Variants in FBF1 observed in about 807,000 individuals in gnomAD.
FBF1 encodes the protein Fas binding factor 1.
Under a neutral mutation model 147.2 loss-of-function variants are expected in FBF1, and 119 were observed. The observed-to-expected ratio is 0.81, with a 90% CI of 0.70 to 0.94. The LOEUF (loss-of-function observed/expected upper bound fraction) is 0.94, where lower values mean the gene tolerates loss of function less well. FBF1 is among the 40% of genes least tolerant of loss of function. The pLI, the probability that FBF1 is intolerant of heterozygous loss-of-function variation, is 0.00. For synonymous variants in FBF1, 601 were observed against 609.0 expected (o/e 0.99, Z 0.19); for missense variants, 1,449 against 1,500.8 (o/e 0.97, Z 0.57).
intron 7 of FBF1, 52 bp downstream of exon 7, chr17:75,929,945 A>AGGGGGGGCCCCCCCCCCCCCCCCC: frequency 1.5e-6 from 1 of 650,910 alleles, no homozygotes. Context: ...AAATATCATG[A>AGGGGGGGCCCCCCCCCCCCCCCCC]CCCCACCCCA....
chr17:75,920,131 C>A (rs1217414585), intron 18 of FBF1, 24 bp from the exon 19 acceptor site: 1 of 1,580,726 alleles, frequency 6.3e-7, no homozygotes, highest in Non-Finnish European at 8.6e-7. Context: ...GGAGGGCCAG[C>A]AACCAGGGAG....
intron 5 of FBF1, among the ~76,000 whole-genome samples, chr17:75,932,655 G>A (rs959569309): frequency 5.9e-5 from 9 of 152,120 alleles, no homozygotes; most frequent in Admixed American, 2.6e-4. Flanking sequence ...TTGGGAGGCC[G>A]AGGTGGGCGG....
intron 13 of FBF1, among the ~76,000 whole-genome samples, chr17:75,924,209 G>C (rs529907117): frequency 6.6e-6 from 1 of 151,808 alleles, no homozygotes; most frequent in South Asian, 2.1e-4. Context: ...GTGAGACTCT[G>C]TCTAAAAAAA....
intron 23 of FBF1, among the ~76,000 whole-genome samples, chr17:75,916,297 G>A (rs547994919): frequency 3.3e-5 from 5 of 151,178 alleles, no homozygotes; most frequent in African/African-American, 1.2e-4. Flanking sequence ...TCCAGCCTGA[G>A]TGACAGTGAG....
chr17:75,927,008 G>T, intron 9 of FBF1, 131 bp from the exon 10 acceptor site: 1 of 1,297,036 alleles, frequency 7.7e-7, no homozygotes, highest in Non-Finnish European at 1.0e-6. Context: ...CCTGGCATCT[G>T]GAGGGTGGGG....
chr17:75,938,897 G>A (rs183759985), intron 1 of FBF1, among the ~76,000 whole-genome samples: 4 of 151,642 alleles, frequency 2.6e-5, no homozygotes, highest in African/African-American at 9.7e-5. Context: ...TTAACAGCAT[G>A]AATCCAAGGG....
Position 75,925,881 on chromosome 17 carries a change from C to T in FBF1, c.868+149G>A, listed in dbSNP as rs1327058125. On this transcript the variant is annotated intron_variant, in intron 12 of 29. Transcript: ENST00000636174. This position sits in a 1 kb window ranked among gnomAD's most constrained non-coding sequence, Gnocchi z 5.0. ...AGTGGTCACGGTAAGTATTATTTCA[C>T]GGTAAGTATTATTTTGTCTCAGCTA... The T allele has an allele frequency of 2.0e-5, 23 of 1,170,874 alleles. No homozygotes were observed. In the African/African-American group the frequency reaches 2.0e-4, roughly 10 times the overall value. 72.5% of individuals were successfully genotyped at this position (1,170,874 alleles called of 1,614,324 possible).
Position 75,920,463 on chromosome 17 carries a change from G to A in FBF1, c.1675-34C>T, listed in dbSNP as rs185489471. ...GAGGAAGAGAGGTGTTTCTAGTTAG[G>A]GAGGGGACAGGGGCCCAGCTGAGAT... On this transcript the variant is annotated intron_variant, in intron 17 of 29. Transcript: ENST00000636174. 3.5e-3 allele frequency: 5,560 copies of A among 1,570,284 alleles called. 10 individuals carry two copies. The highest frequency in any genetic ancestry group is 4.0e-3 in the Non-Finnish European group (4,664 of 1,157,282).
intron 6 of FBF1, among the ~76,000 whole-genome samples, chr17:75,930,512 C>T (rs1464796755): frequency 6.6e-6 from 1 of 152,246 alleles, no homozygotes; most frequent in African/African-American, 2.4e-5. Context: ...GTAATCCCAG[C>T]ACTTTGGGAG....
At chr17:75,912,674 T>A (rs189786319) in intron 28 of FBF1, among the ~76,000 whole-genome samples, 28 of 152,362 alleles carry the variant, frequency 1.8e-4, no homozygotes, top group Non-Finnish European at 3.7e-4. Context: ...TGAAAACCTG[T>A]TCCACGTGTA....
intron 3 of FBF1, among the ~76,000 whole-genome samples, chr17:75,935,946 C>A (rs1318385445): frequency 6.6e-6 from 1 of 152,052 alleles, no homozygotes; most frequent in Non-Finnish European, 1.5e-5. Flanking sequence ...GAGGCCGAGG[C>A]GGGTGGATCA....
rs562939271 is a variant in FBF1, at chr17:75,940,998, G to C, written c.-234C>G. Reference sequence around the variant, plus strand: ...CATTCGGGTCGCCCAGCCCGGCCAGGACTGGCCTCCCGCTTCCAGCCGCTG... The same window carrying C: ...CATTCGGGTCGCCCAGCCCGGCCAGCACTGGCCTCCCGCTTCCAGCCGCTG... On this transcript the variant is annotated 5_prime_UTR_variant, in exon 1 of 30. Transcript: ENST00000636174. 1.8e-4 allele frequency: 28 copies of C among 152,368 alleles called. No homozygotes were observed. Among genetic ancestry groups the C allele is most frequent in the African/African-American group, 6.3e-4 (26 of 41,588 alleles). 9.4% of individuals were successfully genotyped at this position (152,368 alleles called of 1,614,324 possible).
At position 75,917,717 on chromosome 17, in the gene FBF1, G is replaced by A. The variant is rs752790348; in HGVS notation, c.2505+15C>T. 4.5e-5 allele frequency: 70 copies of A among 1,552,134 alleles called. No individual in the cohort carries two copies. The South Asian group carries it at 8.0e-4, about 18-fold the overall frequency. Reference sequence around the variant, plus strand: ...GTGGCAGGAGGGGCAGGAGGGCCAGGAGGACGGGCCTCACCTGCTCCAGCA... The same window carrying A: ...GTGGCAGGAGGGGCAGGAGGGCCAGAAGGACGGGCCTCACCTGCTCCAGCA... On this transcript the variant is annotated intron_variant, in intron 23 of 29. Transcript: ENST00000636174.
intron 28 of FBF1, among the ~76,000 whole-genome samples, chr17:75,913,144 CT>C (rs869041751): frequency 0.059 from 7,302 of 124,052 alleles, 210 homozygotes; most frequent in Middle Eastern, 0.11. Flanking sequence ...TTGAGGGTGA[CT>C]TTTTTTTTTT....
intron 15 of FBF1, 75 bp downstream of exon 15, chr17:75,921,870 T>C: frequency 7.6e-7 from 1 of 1,308,770 alleles, no homozygotes; most frequent in South Asian, 1.3e-5. Flanking sequence ...ACAGCCTCTG[T>C]GTCCCTCTCT....
intron 3 of FBF1, among the ~76,000 whole-genome samples, chr17:75,937,312 A>T (rs2065630878): frequency 6.6e-6 from 1 of 151,920 alleles, no homozygotes; most frequent in Admixed American, 6.6e-5. Context: ...CTGGGACTAC[A>T]GGCACCCGCC....
intron 11 of FBF1, 59 bp downstream of exon 11, chr17:75,926,229 C>T (rs1369891885): frequency 1.9e-5 from 30 of 1,606,032 alleles, no homozygotes; most frequent in South Asian, 1.8e-4. Context: ...CCACAGTACC[C>T]GTCCACCAGC....
In FBF1 at chr17:75,910,842, T is replaced by C. The variant is rs772124616; in HGVS notation, c.3364-36A>G. The C allele has an allele frequency of 1.4e-5, 21 of 1,553,514 alleles. No individual in the cohort carries two copies. In the East Asian group the frequency reaches 4.6e-4, roughly 34 times the overall value. ...GGTTTGGATGGGCGGTCACCTTCCC[T>C]GAGCTGAGAGGGAGGTGGAGCCCTG... On this transcript the variant is annotated intron_variant, in intron 29 of 29. Transcript: ENST00000636174. This position sits in a 1 kb window ranked among gnomAD's most constrained non-coding sequence, Gnocchi z 4.1.
At chr17:75,917,080 C>G (rs1308802187) in intron 23 of FBF1, among the ~76,000 whole-genome samples, 1 of 152,164 alleles carries the variant, frequency 6.6e-6, no homozygotes, top group Non-Finnish European at 1.5e-5. Context: ...CTCCTGACCT[C>G]AAGTGATCCT....
Sources: allele counts gnomAD v4.1 joint callset (sites outside exome capture counted in the v4.1 genomes callset), GRCh38; gene constraint gnomAD v4.1.1; non-coding constraint Gnocchi (gnomAD v3.1); transcripts MANE v1.5; gene names NCBI Gene and HGNC (gene_info 2026-07-23, HGNC 2026-07-21).